The following TNNT1 variants were observed in gnomAD, a reference collection of about 807,000 sequenced individuals.
TNNT1 encodes the protein troponin T, slow skeletal muscle.
TNNT1 carries 53 observed loss-of-function variants against 50.6 expected under a neutral mutation model. That is an observed-to-expected ratio of 1.05 (90% CI 0.84 to 1.32). The LOEUF is 1.32. Among genes scored for constraint, TNNT1 ranks in the 40% most tolerant of loss-of-function variants. The pLI is 0.00. For missense variants in TNNT1, 348 were observed against 381.7 expected (o/e 0.91, Z 0.74); for synonymous variants, 142 against 138.0 (o/e 1.03, Z -0.20).
intron 10 of TNNT1, 79 bp downstream of exon 10, chr19:55,137,882 T>A: frequency 6.5e-7 from 1 of 1,544,512 alleles, no homozygotes; most frequent in South Asian, 1.1e-5. Context: ...CAGCCCCTCC[T>A]CCGTTAGGAA....
rs145419596 is a variant in TNNT1, at chr19:55,138,334, G to C, written c.388-260C>G. Reference sequence around the variant, plus strand: ...GCTCTGTTGCTCAGGCTGGAGTGCAGTGGTGCGATCTTGGCTCACTGCAAC... The same window carrying C: ...GCTCTGTTGCTCAGGCTGGAGTGCACTGGTGCGATCTTGGCTCACTGCAAC... On this transcript the variant is annotated intron_variant, in intron 9 of 13. Coordinates refer to ENST00000588981, the MANE Select transcript of TNNT1 (RefSeq NM_003283.6). Among the ~76,000 whole-genome samples, 6,800 of 150,994 alleles carry C rather than the reference G, an allele frequency of 0.045. 513 individuals carry two copies. The highest frequency in any genetic ancestry group is 0.16 in the African/African-American group (6,445 of 40,922).
In TNNT1 at chr19:55,146,458, C is replaced by CA; in HGVS notation, c.81_82insT (p.Glu28Ter). 7.9e-7 allele frequency: 1 copy of CA among 1,268,786 alleles called. No homozygotes were observed. The highest frequency in any genetic ancestry group is 1.0e-6 in the Non-Finnish European group (1 of 995,428). 78.6% of individuals were successfully genotyped at this position (1,268,786 alleles called of 1,614,324 possible). Reference sequence around the variant, plus strand: ...CCTGGCTCTGCCACCGGCTCCGGCTCTTCGGGGGCTGGGGAGGGGAGGGAG... The same window carrying CA: ...CCTGGCTCTGCCACCGGCTCCGGCTCATTCGGGGGCTGGGGAGGGGAGGGAG... On this transcript the variant is annotated frameshift_variant, in exon 5 of 14. Coordinates refer to ENST00000588981, the MANE Select transcript of TNNT1 (RefSeq NM_003283.6). LOFTEE classifies it high-confidence loss of function.
At chr19:55,147,355 T>A (rs1211532221) in intron 1 of TNNT1, 187 bp from the exon 2 acceptor site, 8 of 163,960 alleles carry the variant, frequency 4.9e-5, no homozygotes, top group Non-Finnish European at 8.8e-5. Context: ...CCTGGACTCC[T>A]GGGTCTGAGG....
At position 55,141,894 on chromosome 19, in the gene TNNT1, G is replaced by A. The variant is rs752759361; in HGVS notation, c.155C>T (p.Pro52Leu). ...GCGCTCCCCTTCTGGGATCTTTGGC[G>A]GGATCAAAGGAGGCACCACGGGGCG... Reference protein sequence around the residue: ...PSRPVVPPLIPPKIPEGERVD... With the variant: ...PSRPVVPPLILPKIPEGERVD... Residue 52 changes from proline (P) to leucine (L), a missense_variant, in exon 7 of 14, where the codon CCG (proline) becomes CTG (leucine). By Grantham distance (98) the Pro-to-Leu change is moderately conservative (BLOSUM62 -3). Transcript: ENST00000588981. The A allele has an allele frequency of 1.9e-6, 3 of 1,613,912 alleles. No individual in the cohort carries two copies. Among genetic ancestry groups the A allele is most frequent in the Non-Finnish European group, 2.5e-6 (3 of 1,179,994 alleles).
In TNNT1 at chr19:55,137,943, T is replaced by G; in HGVS notation, c.501+18A>C. ...CCCCCTCAGAACTCAGACCTCAGGC[T>G]CCTGCAGGCTGACTCACCTTGACCA... On this transcript the variant is annotated intron_variant, in intron 10 of 13. Transcript: ENST00000588981. The G allele has an allele frequency of 6.2e-7, 1 of 1,614,050 alleles. No individual in the cohort carries two copies. The highest frequency in any genetic ancestry group is 2.2e-5 in the East Asian group (1 of 44,864).
chr19:55,146,387 C>T, intron 5 of TNNT1, 47 bp downstream of exon 5: 5 of 1,334,524 alleles, frequency 3.7e-6, no homozygotes, highest in Non-Finnish European at 4.8e-6. Context: ...CGGGGGTCCC[C>T]CCGGGCCCCC....
chr19:55,140,870 G>C lies in TNNT1; in HGVS notation c.387+13C>G. 1.2e-6 allele frequency: 2 copies of C among 1,612,284 alleles called. No individual in the cohort carries two copies. The highest frequency in any genetic ancestry group is 1.7e-6 in the Non-Finnish European group (2 of 1,179,246). On this transcript the variant is annotated intron_variant, in intron 9 of 13. Transcript: ENST00000588981. ...AGTAACATTTGGGCTCTCAGGGCAG[G>C]GGAGGCACCCACCGCCAGCTTAGCC...
intron 3 of TNNT1, 54 bp downstream of exon 3, chr19:55,146,954 C>T: frequency 1.9e-6 from 3 of 1,547,498 alleles, no homozygotes; most frequent in South Asian, 2.5e-5. Context: ...CCTCCCCTCC[C>T]AAGAGCTCCT....
intron 6 of TNNT1, among the ~76,000 whole-genome samples, chr19:55,143,632 T>C (rs1307177144): frequency 6.6e-6 from 1 of 152,076 alleles, no homozygotes; most frequent in African/African-American, 2.4e-5. Flanking sequence ...CTTACCATAT[T>C]GTACAGGAAT....
chr19:55,147,324 G>T, intron 1 of TNNT1, 156 bp from the exon 2 acceptor site: 2 of 649,268 alleles, frequency 3.1e-6, no homozygotes, highest in South Asian at 1.8e-5. Flanking sequence ...ACTCCTGGGT[G>T]TGAGAGAGGA....
chr19:55,137,538 T>G (rs7259964), intron 10 of TNNT1, among the ~76,000 whole-genome samples: 8,730 of 41,578 alleles, frequency 0.21, 928 homozygotes, highest in African/African-American at 0.48. Context: ...AGACCCAGGA[T>G]TGCAGGCCCC....
rs376915014 is a variant in TNNT1, at chr19:55,141,263, G to A, written c.232C>T (p.Leu78=). The change falls in exon 8 of 14, where the codon CTG becomes TTG. Residue 78 remains leucine, a synonymous_variant. Coordinates refer to ENST00000588981, the MANE Select transcript of TNNT1 (RefSeq NM_003283.6). ...RKRMEKDLLE[L]QTLIDVHFEQ... Reference sequence around the variant, plus strand: ...AAATGTACATCGATGAGTGTCTGCAGCTCCAGCAGGTCTTTCTCCATGCGC... The same window carrying A: ...AAATGTACATCGATGAGTGTCTGCAACTCCAGCAGGTCTTTCTCCATGCGC... 2.5e-6 allele frequency: 4 copies of A among 1,614,100 alleles called. No homozygotes were observed. The highest frequency in any genetic ancestry group is 8.5e-7 in the Non-Finnish European group (1 of 1,180,044).
At chr19:55,138,280 G>GTTTT (rs149328670) in intron 9 of TNNT1, among the ~76,000 whole-genome samples, 53 of 139,180 alleles carry the variant, frequency 3.8e-4, no homozygotes, top group African/African-American at 1.0e-3. Context: ...CTTCCCCTCT[G>GTTTT]TTTTTTTTTT....
At chr19:55,140,077 C>T (rs185664173) in intron 9 of TNNT1, among the ~76,000 whole-genome samples, 1,907 of 150,944 alleles carry the variant, frequency 0.013, 13 homozygotes, top group Non-Finnish European at 0.019. Context: ...GAGCTGAGAT[C>T]GCGTCACTGC....
rs1394784641 is a variant in TNNT1 at position 55,141,730 on chromosome 19, T to C, written c.192+127A>G. The C allele has an allele frequency of 2.7e-6, 3 of 1,112,252 alleles. No individual in the cohort carries two copies. In the East Asian group the frequency reaches 7.2e-5, roughly 27 times the overall value. The allele number at this position is 1,112,252 out of a possible 1,614,324, so 68.9% of individuals were successfully genotyped here. ...AACTCCTGACCTCAGGTGGGTCACC[T>C]CAGCCTCCCAAAGTGCTGGGATTAC... On this transcript the variant is annotated intron_variant, in intron 7 of 13. Transcript: ENST00000588981.
chr19:55,134,387 G>T (rs899225723), intron 11 of TNNT1, among the ~76,000 whole-genome samples, 183 bp from the exon 12 acceptor site: 5 of 152,030 alleles, frequency 3.3e-5, no homozygotes, highest in Non-Finnish European at 5.9e-5. Flanking sequence ...TTCCCAAGGG[G>T]AGAGAAGGGT....
rs2085358684 is a variant in TNNT1, at chr19:55,137,111, T to C, written c.603A>G (p.Glu201=). 1 of 1,532,364 alleles carries C rather than the reference T, an allele frequency of 6.5e-7. No homozygotes were observed. The highest frequency in any genetic ancestry group is 8.9e-7 in the Non-Finnish European group (1 of 1,122,238). 94.9% of individuals were successfully genotyped at this position (1,532,364 alleles called of 1,614,324 possible). The stretch of plus-strand genomic sequence containing the variant: ...CCCCCCACAGCACCTACCGGAGCTG[T>C]TCCTCCCCCATGTAGTCAATGTCCA... ...KPLDIDYMGE[E]QLRARSAWLP... The change falls in exon 11 of 14, where the codon GAA becomes GAG. Residue 201 remains glutamate (E), a synonymous_variant. Coordinates refer to ENST00000588981, the MANE Select transcript of TNNT1 (RefSeq NM_003283.6).
chr19:55,138,101 T>C (rs2085386915), intron 9 of TNNT1, 27 bp from the exon 10 acceptor site: 7 of 1,613,648 alleles, frequency 4.3e-6, no homozygotes, highest in Non-Finnish European at 5.9e-6. Context: ...GTTAACCTCA[T>C]GGACTCCCCT....
At chr19:55,147,523 G>A (rs1381787981) in intron 1 of TNNT1, among the ~76,000 whole-genome samples, 1 of 147,782 alleles carries the variant, frequency 6.8e-6, no homozygotes, top group Admixed American at 6.7e-5. Context: ...GGAGGGACTG[G>A]GGTCCTGAAC....
Sources: allele counts gnomAD v4.1 joint callset (sites outside exome capture counted in the v4.1 genomes callset), GRCh38; gene constraint gnomAD v4.1.1; transcripts MANE v1.5; gene names NCBI Gene and HGNC (gene_info 2026-07-23, HGNC 2026-07-21).